The following STX6 variants were observed in gnomAD, a reference collection of about 807,000 sequenced individuals.
STX6 encodes syntaxin 6, also known as syntaxin-6.
A neutral mutation model predicts 38.0 loss-of-function variants in STX6; 23 were observed. That is an observed-to-expected ratio of 0.60 (90% CI 0.43 to 0.86). STX6 has a LOEUF of 0.86. Among genes scored for constraint, STX6 ranks in the 40% least tolerant of loss-of-function variants. The pLI, the probability that STX6 is intolerant of heterozygous loss-of-function variation, is 0.00. For missense variants in STX6, 274 were observed against 312.9 expected (o/e 0.88, Z 0.94); for synonymous variants, 123 against 107.5 (o/e 1.14, Z -0.89).
rs753154880 is a variant in STX6 at position 180,988,290 on chromosome 1, A to G, written c.545T>C (p.Val182Ala). ...GATGCGCTGGGACATGTTCTTCAGC[A>G]CCCCGATGCTGCCAGAGACCAGCTC... is the stretch of plus-strand genomic sequence containing the variant. Reference protein sequence around the residue: ...QLELVSGSIGVLKNMSQRIGG... With the variant: ...QLELVSGSIGALKNMSQRIGG... Residue 182 changes from valine to alanine, a missense_variant, in exon 6 of 8, where the codon GTG becomes GCG. Val to Ala is a moderately conservative substitution (Grantham distance 64, BLOSUM62 0). Transcript: ENST00000258301. 6.2e-7 allele frequency: 1 copy of G among 1,614,010 alleles called. No homozygotes were observed. The highest frequency in any genetic ancestry group is 8.5e-7 in the Non-Finnish European group (1 of 1,179,956).
At chr1:181,008,235 T>C (rs1656284975) in intron 1 of STX6, among the ~76,000 whole-genome samples, 2 of 152,148 alleles carry the variant, frequency 1.3e-5, no homozygotes, top group Non-Finnish European at 2.9e-5. Flanking sequence ...TGGGAAGGAG[T>C]ATCTCAGTCA....
In STX6 at chr1:181,022,850, C is replaced by G; in HGVS notation, c.-177G>C. 3.3e-6 allele frequency: 2 copies of G among 597,406 alleles called. No homozygotes were observed. Among genetic ancestry groups the G allele is most frequent in the Admixed American group, 3.1e-5 (1 of 32,214 alleles). The allele number at this position is 597,406 out of a possible 1,614,324, so 37.0% of individuals were successfully genotyped here. A position where few individuals can be genotyped will look rare whatever the true frequency, so the allele number is the denominator to read the frequency against. On this transcript the variant is annotated 5_prime_UTR_variant, in exon 1 of 8. Coordinates refer to ENST00000258301, the MANE Select transcript of STX6 (RefSeq NM_005819.6). ...AGGACGGCCGCTGGTCCAGCACTCG[C>G]TCAGCACCACTGGCCGAATCCCGGA...
rs753375490 is a variant in STX6 at position 181,022,719 on chromosome 1, C to T, written c.-46G>A. On this transcript the variant is annotated 5_prime_UTR_variant, in exon 1 of 8. Coordinates refer to ENST00000258301, the MANE Select transcript of STX6 (RefSeq NM_005819.6). Reference sequence around the variant, plus strand: ...CTTCACCTCCTCCGCGCACAGGGCGCCCGTGCCTCCCGGTCTCCCTCCGCC... The same window carrying T: ...CTTCACCTCCTCCGCGCACAGGGCGTCCGTGCCTCCCGGTCTCCCTCCGCC... 7.7e-5 allele frequency: 120 copies of T among 1,566,588 alleles called. No homozygotes were observed. The highest frequency in any genetic ancestry group is 9.6e-5 in the Non-Finnish European group (111 of 1,156,282).
chr1:181,011,222 T>C (rs1424908269), intron 1 of STX6, among the ~76,000 whole-genome samples: 1 of 152,226 alleles, frequency 6.6e-6, no homozygotes, highest in African/African-American at 2.4e-5. Flanking sequence ...ATTTTTAAGA[T>C]GGATGTTTTA....
At chr1:180,999,159 T>C (rs1030212689) in intron 3 of STX6, among the ~76,000 whole-genome samples, 12 of 152,200 alleles carry the variant, frequency 7.9e-5, no homozygotes, top group African/African-American at 2.7e-4. Context: ...GAGAGGGTAA[T>C]AGTTCTAACT....
In STX6 at chr1:180,975,720, T is replaced by C. The variant is rs562537078; in HGVS notation, c.*850A>G. ...TACTGAGCTGTTTAGCAACAACATA[T>C]GTAGCAATCACCCTCAAAACGCAAG... On this transcript the variant is annotated 3_prime_UTR_variant, in exon 8 of 8. Coordinates refer to ENST00000258301, the MANE Select transcript of STX6 (RefSeq NM_005819.6). The C allele has an allele frequency of 6.6e-6, 1 of 152,220 alleles. No individual in the cohort carries two copies. Among genetic ancestry groups the C allele is most frequent in the African/African-American group, 2.4e-5 (1 of 41,448 alleles). The allele number at this position is 152,220 out of a possible 1,614,324, so 9.4% of individuals were successfully genotyped here.
intron 7 of STX6, among the ~76,000 whole-genome samples, chr1:180,982,667 T>C (rs1655450926): frequency 2.6e-5 from 4 of 152,260 alleles, no homozygotes; most frequent in South Asian, 4.1e-4. Flanking sequence ...AAGTAGCTAC[T>C]TGACTTTGCA....
intron 2 of STX6, 24 bp from the exon 3 acceptor site, chr1:181,002,724 A>G (rs751717038): frequency 1.3e-6 from 2 of 1,501,598 alleles, no homozygotes; most frequent in African/African-American, 1.4e-5. Context: ...TCAAGGTAAA[A>G]CAATTTCATC....
At chr1:180,996,123 T>C (rs548256155) in intron 3 of STX6, among the ~76,000 whole-genome samples, 17 of 152,218 alleles carry the variant, frequency 1.1e-4, no homozygotes, top group African/African-American at 3.9e-4. Flanking sequence ...GTACCATGAG[T>C]CTCAAAATAT....
In STX6 at chr1:181,019,353, GA is replaced by G. The variant is rs35983547; in HGVS notation, c.35+3285del. On this transcript the variant is annotated intron_variant, in intron 1 of 7. Coordinates refer to ENST00000258301, the MANE Select transcript of STX6 (RefSeq NM_005819.6). ...CAAGGTGTAGGCTGGAAATACAGAG[GA>G]AAAAAAAAAAAAAAACAGTCCCAAA... Among the ~76,000 whole-genome samples the G allele has an allele frequency of 9.0e-3, 944 of 104,798 alleles. 9 individuals carry two copies. The highest frequency in any genetic ancestry group is 0.024 in the African/African-American group (678 of 28,310). 68.8% of individuals were successfully genotyped at this position (104,798 alleles called of 152,430 possible).
intron 2 of STX6, among the ~76,000 whole-genome samples, chr1:181,003,396 G>T (rs1656138623): frequency 6.6e-6 from 1 of 152,170 alleles, no homozygotes; most frequent in Admixed American, 6.5e-5. Flanking sequence ...CTGGTTGAAT[G>T]ATGAGTATCT....
intron 7 of STX6, 99 bp from the exon 8 acceptor site, chr1:180,976,745 G>T: frequency 1.8e-6 from 2 of 1,092,086 alleles, no homozygotes; most frequent in Non-Finnish European, 2.8e-6. Flanking sequence ...CAGAAAAGGG[G>T]CAGAACGTGC....
At chr1:180,992,056 C>T (rs1236686797) in intron 4 of STX6, among the ~76,000 whole-genome samples, 1 of 151,760 alleles carries the variant, frequency 6.6e-6, no homozygotes. Context: ...TTACTGACCT[C>T]ACTGTCACAA....
chr1:181,006,601 A>G (rs748173525), intron 1 of STX6, among the ~76,000 whole-genome samples: 4 of 152,082 alleles, frequency 2.6e-5, no homozygotes, highest in East Asian at 1.9e-4. Flanking sequence ...CTCCTGAACT[A>G]TAAGAACTGT....
chr1:180,978,293 G>A lies in STX6; in HGVS notation c.692-1647C>T, dbSNP rs550950281. 3.7e-4 allele frequency among the ~76,000 whole-genome samples: 57 copies of A among 152,288 alleles called. 2 individuals are homozygous for A. In the South Asian group the frequency reaches 0.011, roughly 30 times the overall value. On this transcript the variant is annotated intron_variant, in intron 7 of 7. Transcript: ENST00000258301. Reference sequence around the variant, plus strand: ...ATGGTAAACTGCTGCCCCTAAAACTGCAGAAACCTACAGATGCATACAGAG... The same window carrying A: ...ATGGTAAACTGCTGCCCCTAAAACTACAGAAACCTACAGATGCATACAGAG...
At position 181,022,754 on chromosome 1, in the gene STX6, T is replaced by G; in HGVS notation, c.-81A>C. The G allele has an allele frequency of 2.1e-6, 3 of 1,432,482 alleles. 1 individual carries two copies. 88.7% of individuals were successfully genotyped at this position (1,432,482 alleles called of 1,614,324 possible). On this transcript the variant is annotated 5_prime_UTR_variant, in exon 1 of 8. Coordinates refer to ENST00000258301, the MANE Select transcript of STX6 (RefSeq NM_005819.6). Reference sequence around the variant, plus strand: ...CCGGTCTCCCTCCGCCCACCCCGCCTGTTCCCGCAGCTGCCCGCGCCTTAG... The same window carrying G: ...CCGGTCTCCCTCCGCCCACCCCGCCGGTTCCCGCAGCTGCCCGCGCCTTAG...
chr1:181,020,748 C>T (rs1203298285), intron 1 of STX6, among the ~76,000 whole-genome samples: 1 of 152,240 alleles, frequency 6.6e-6, no homozygotes, highest in Non-Finnish European at 1.5e-5. Flanking sequence ...CACTTCAACA[C>T]TCATTCATTT....
intron 1 of STX6, among the ~76,000 whole-genome samples, chr1:181,021,289 A>G (rs1179695023): frequency 1.3e-5 from 2 of 152,202 alleles, no homozygotes; most frequent in South Asian, 4.1e-4. Context: ...TAACCCCTAA[A>G]TCAATCCTTC....
rs1655252127 is a variant in STX6, at chr1:180,976,474, T to C, written c.*96A>G. 6.6e-6 allele frequency: 7 copies of C among 1,055,558 alleles called. No homozygotes were observed. The highest frequency in any genetic ancestry group is 5.1e-5 in the Admixed American group (3 of 58,338). The allele number at this position is 1,055,558 out of a possible 1,614,324, so 65.4% of individuals were successfully genotyped here. A position where few individuals can be genotyped will look rare whatever the true frequency, so the allele number is the denominator to read the frequency against. ...TCAGTGCAGCAGTATGTTTCCAGGA[T>C]AGGAATGTGAGTAGACGGCAATGTC... is the stretch of plus-strand genomic sequence containing the variant. On this transcript the variant is annotated 3_prime_UTR_variant, in exon 8 of 8. Coordinates refer to ENST00000258301, the MANE Select transcript of STX6 (RefSeq NM_005819.6).
Sources: allele counts gnomAD v4.1 joint callset (sites outside exome capture counted in the v4.1 genomes callset), GRCh38; gene constraint gnomAD v4.1.1; transcripts MANE v1.5; gene names NCBI Gene and HGNC (gene_info 2026-07-23, HGNC 2026-07-21).